Variants in DAP3 observed in about 807,000 individuals in gnomAD.
The protein encoded by DAP3 is death associated protein 3.
In DAP3, 28 loss-of-function variants were observed where a neutral mutation model predicts 51.9. The observed-to-expected ratio is 0.54, with a 90% CI of 0.40 to 0.74. The LOEUF (loss-of-function observed/expected upper bound fraction) is 0.74. Among genes scored for constraint, DAP3 ranks in the 30% least tolerant of loss-of-function variants. The pLI, the probability that DAP3 is intolerant of heterozygous loss-of-function variation, is 0.00. For synonymous variants in DAP3, 170 were observed against 170.3 expected (o/e 1.00, Z 0.01); for missense variants, 458 against 483.5 (o/e 0.95, Z 0.49).
chr1:155,688,748 C>T (rs560678874), upstream of DAP3: 3 of 1,517,170 alleles, frequency 2.0e-6, no homozygotes, highest in Non-Finnish European at 1.8e-6. Context: ...GCCGCCAAAG[C>T]AGCCGCCGCC....
Position 155,721,652 on chromosome 1 carries a change from C to T in DAP3, c.270+34C>T, listed in dbSNP as rs1232454027. 3 of 1,603,308 alleles carry T rather than the reference C, an allele frequency of 1.9e-6. No homozygotes were observed. The Admixed American group carries it at 5.0e-5, about 27-fold the overall frequency. On this transcript the variant is annotated intron_variant, in intron 4 of 12. Coordinates refer to ENST00000368336, the MANE Select transcript of DAP3 (RefSeq NM_004632.4). ...GACAGGGAATGGAATTGGAGGGAGC[C>T]CAGAATACAAGCTGCTGCTAGCAAA...
chr1:155,736,944 A>G lies in DAP3; in HGVS notation c.994-2A>G. ...TGTTTCCTGATCCTTTTTCTTCCCC[A>G]GGAAGGATTTGATGCCCTGGATCCC... is the stretch of plus-strand genomic sequence containing the variant. On this transcript the variant is annotated splice_acceptor_variant, in intron 11 of 12. Transcript: ENST00000368336. LOFTEE classifies it high-confidence loss of function. The G allele has an allele frequency of 6.2e-7, 1 of 1,608,908 alleles. No individual in the cohort carries two copies. Among genetic ancestry groups the G allele is most frequent in the Non-Finnish European group, 8.5e-7 (1 of 1,175,430 alleles).
At chr1:155,713,337 A>T (rs1656939969) in intron 2 of DAP3, among the ~76,000 whole-genome samples, 1 of 152,248 alleles carries the variant, frequency 6.6e-6, no homozygotes, top group South Asian at 2.1e-4. Context: ...TTGCTGCTTC[A>T]GCTGTAATTT....
At chr1:155,721,459 A>G in intron 3 of DAP3, 58 bp from the exon 4 acceptor site, 1 of 1,526,288 alleles carries the variant, frequency 6.6e-7, no homozygotes, top group East Asian at 2.3e-5. Context: ...GATAAGACAA[A>G]AAAGAAAGTC....
chr1:155,688,787 T>G (rs1653172954), upstream of DAP3: 4 of 1,530,900 alleles, frequency 2.6e-6, no homozygotes, highest in Non-Finnish European at 2.6e-6. Context: ...TCCTCGCGCG[T>G]GCGCCTCCCA....
chr1:155,689,533 C>A (rs1038312718), intron 1 of DAP3: 22 of 404,200 alleles, frequency 5.4e-5, no homozygotes, highest in African/African-American at 4.6e-4. Flanking sequence ...CCCTTGTCTT[C>A]AGCAAGTTAT....
rs371276924 is a variant in DAP3 at position 155,727,561 on chromosome 1, A to G, written c.473-47A>G. 63 of 1,596,156 alleles carry G rather than the reference A, an allele frequency of 3.9e-5. No homozygotes were observed. In the South Asian group the frequency reaches 6.7e-4, roughly 17 times the overall value. On this transcript the variant is annotated intron_variant, in intron 6 of 12. Coordinates refer to ENST00000368336, the MANE Select transcript of DAP3 (RefSeq NM_004632.4). ...AGAGGCATAGAATATTTCGAGTTGA[A>G]TACAGTTTCTGCCTGGCTTGTTTTC...
chr1:155,698,243 A>G (rs751977674), intron 1 of DAP3, among the ~76,000 whole-genome samples: 8 of 152,378 alleles, frequency 5.3e-5, no homozygotes, highest in Non-Finnish European at 1.2e-4. Flanking sequence ...AGACAGGCAT[A>G]GGAAATTATA....
chr1:155,735,838 ATTTTTTT>A (rs35138415), intron 11 of DAP3, among the ~76,000 whole-genome samples: 22 of 82,486 alleles, frequency 2.7e-4, no homozygotes, highest in Non-Finnish European at 2.2e-4. Context: ...CGCCTGGCTA[ATTTTTTT>A]TTTTTTTTTT....
At chr1:155,718,238 T>C (rs1223606706) in intron 3 of DAP3, among the ~76,000 whole-genome samples, 1 of 151,978 alleles carries the variant, frequency 6.6e-6, no homozygotes, top group African/African-American at 2.4e-5. Flanking sequence ...ATACTAAAAT[T>C]AGCTGGGTGT....
intron 1 of DAP3, among the ~76,000 whole-genome samples, chr1:155,705,602 CA>C (rs1340171324): frequency 0.012 from 805 of 69,524 alleles, 5 homozygotes; most frequent in African/African-American, 0.041. Context: ...GACCCTGTCT[CA>C]AAAAAAAAAA....
At chr1:155,715,492 A>G (rs1657222593) in intron 2 of DAP3, among the ~76,000 whole-genome samples, 1 of 151,618 alleles carries the variant, frequency 6.6e-6, no homozygotes, top group South Asian at 2.1e-4. Flanking sequence ...ACTGCACTCC[A>G]GCCTGGGTGA....
At chr1:155,695,795 A>T (rs1294097406) in intron 1 of DAP3, among the ~76,000 whole-genome samples, 1 of 152,210 alleles carries the variant, frequency 6.6e-6, no homozygotes, top group Non-Finnish European at 1.5e-5. Flanking sequence ...GTTAGTGTGG[A>T]TAACTTTACC....
chr1:155,699,969 G>A (rs1006651333), intron 1 of DAP3, among the ~76,000 whole-genome samples: 7 of 149,658 alleles, frequency 4.7e-5, no homozygotes, highest in Non-Finnish European at 8.9e-5. Flanking sequence ...ATGGAGTCTC[G>A]CTCTGTCGCC....
chr1:155,690,897 A>G (rs1225552936), intron 1 of DAP3, among the ~76,000 whole-genome samples: 1 of 141,258 alleles, frequency 7.1e-6, no homozygotes, highest in Non-Finnish European at 1.5e-5. Context: ...ATGCCACCAC[A>G]TCCAGCTAAT....
At chr1:155,736,542 G>T in intron 11 of DAP3, 1 of 226,128 alleles carries the variant, frequency 4.4e-6, no homozygotes, top group East Asian at 1.4e-4. Flanking sequence ...TCAGCCTCCC[G>T]AGTACCTGGG....
intron 4 of DAP3, chr1:155,721,893 T>C: frequency 3.8e-6 from 2 of 520,406 alleles, no homozygotes; most frequent in South Asian, 3.4e-5. Context: ...CTTGGCAAAA[T>C]ATCATGAAAA....
At chr1:155,706,342 C>G (rs919610553) in intron 1 of DAP3, among the ~76,000 whole-genome samples, 3 of 152,198 alleles carry the variant, frequency 2.0e-5, no homozygotes, top group African/African-American at 7.2e-5. Flanking sequence ...AATTCCTTGA[C>G]TATAAGATCA....
At chr1:155,707,336 C>A (rs2149139339) in intron 1 of DAP3, among the ~76,000 whole-genome samples, 1 of 151,692 alleles carries the variant, frequency 6.6e-6, no homozygotes, top group East Asian at 1.9e-4. Flanking sequence ...TGGCGTGAAC[C>A]CGGGAGGCGG....
Sources: gnomAD v4.1 joint callset for allele counts (sites outside exome capture counted in the v4.1 genomes callset) on GRCh38, gnomAD v4.1.1 for gene constraint, MANE v1.5 for transcripts, NCBI Gene and HGNC (gene_info 2026-07-23, HGNC 2026-07-21) for gene names.